Variants in CCBE1 observed in about 807,000 individuals in gnomAD.
CCBE1 encodes the protein collagen and calcium-binding EGF domain-containing protein 1.
CCBE1 carries 37 observed loss-of-function variants against 50.0 expected under a neutral mutation model. The observed-to-expected ratio is 0.74, with a 90% CI of 0.57 to 0.97. CCBE1 has a LOEUF of 0.97. Among genes scored for constraint, CCBE1 ranks in the 50% least tolerant of loss-of-function variants. CCBE1 has a pLI of 0.00. For missense variants in CCBE1, 538 were observed against 523.8 expected, an observed-to-expected ratio of 1.03 and a Z score of -0.26; for synonymous variants, 234 against 203.7, an observed-to-expected ratio of 1.15 and a Z score of -1.27.
At position 59,559,347 on chromosome 18, in the gene CCBE1, C is replaced by A. The variant is rs541526540; in HGVS notation, c.213-79109G>T. 3.9e-5 allele frequency among the ~76,000 whole-genome samples: 6 copies of A among 152,294 alleles called. No homozygotes were observed. The South Asian group carries it at 1.2e-3, about 32-fold the overall frequency. On this transcript the variant is annotated intron_variant, in intron 2 of 10. Transcript: ENST00000439986. ...CTCTGTTGCAGGCTTACCCAGTGAT[C>A]TGTCAGAAAATAGAGCATAAGCAGC...
intron 2 of CCBE1, among the ~76,000 whole-genome samples, chr18:59,528,312 C>T (rs1352302451): frequency 1.3e-5 from 2 of 152,178 alleles, no homozygotes; most frequent in African/African-American, 4.8e-5. Context: ...TTTTCAGCTC[C>T]ATCAGATCAT....
At chr18:59,623,662 G>C (rs2053741296) in intron 2 of CCBE1, among the ~76,000 whole-genome samples, 1 of 152,178 alleles carries the variant, frequency 6.6e-6, no homozygotes, top group Non-Finnish European at 1.5e-5. Context: ...CCTTGCTACA[G>C]ATCAGTACAA....
chr18:59,661,082 A>G (rs1263188267), intron 2 of CCBE1, among the ~76,000 whole-genome samples: 1 of 152,144 alleles, frequency 6.6e-6, no homozygotes, highest in Admixed American at 6.5e-5. Flanking sequence ...TAGTCCAACA[A>G]TATAGAGCTA....
chr18:59,674,319 C>T (rs1167366910), intron 2 of CCBE1, among the ~76,000 whole-genome samples: 1 of 152,148 alleles, frequency 6.6e-6, no homozygotes, highest in African/African-American at 2.4e-5. Context: ...AGTTCACGTC[C>T]TTTGTGGGGA....
intron 3 of CCBE1, among the ~76,000 whole-genome samples, chr18:59,470,392 A>T (rs930114576): frequency 2.0e-5 from 3 of 152,150 alleles, no homozygotes; most frequent in Non-Finnish European, 4.4e-5. Flanking sequence ...GGGAGCTACA[A>T]TTCAAGATGA....
chr18:59,444,284 G>A (rs1434530310), intron 7 of CCBE1, among the ~76,000 whole-genome samples: 1 of 152,000 alleles, frequency 6.6e-6, no homozygotes, highest in South Asian at 2.1e-4. Flanking sequence ...ATATTCCCAG[G>A]AGTGGCATTT....
At chr18:59,620,068 G>T (rs899580093) in intron 2 of CCBE1, among the ~76,000 whole-genome samples, 1 of 152,178 alleles carries the variant, frequency 6.6e-6, no homozygotes, top group South Asian at 2.1e-4. Context: ...AATAGGAAAG[G>T]AAAGAGTTGG....
intron 2 of CCBE1, among the ~76,000 whole-genome samples, chr18:59,575,028 A>T (rs1439767237): frequency 6.6e-6 from 1 of 152,204 alleles, no homozygotes. Context: ...GGAAAACACC[A>T]TGTGAGGATA....
rs11659589 is a variant in CCBE1 at position 59,454,927 on chromosome 18, A to T, written c.578T>A (p.Val193Glu). The T allele has an allele frequency of 6.2e-6, 10 of 1,614,142 alleles. No individual in the cohort carries two copies. The highest frequency in any genetic ancestry group is 8.5e-6 in the Non-Finnish European group (10 of 1,180,014). The stretch of plus-strand genomic sequence containing the variant: ...TGTGGCACAGCAAGTTCCGGCTTTC[A>T]CCATGTTCTCAGACTTCTCATGGCC... ...DTGHEKSENM[V>E]KAGTCCATCK... The change falls in exon 6 of 11, where the codon GTG (valine) becomes GAG (glutamate). Residue 193 changes from valine to glutamate, a missense_variant. Coordinates refer to ENST00000439986, the MANE Select transcript of CCBE1 (RefSeq NM_133459.4).
At position 59,484,702 on chromosome 18, in the gene CCBE1, C is replaced by T. The variant is rs625314; in HGVS notation, c.213-4464G>A. On this transcript the variant is annotated intron_variant, in intron 2 of 10. Coordinates refer to ENST00000439986, the MANE Select transcript of CCBE1 (RefSeq NM_133459.4). ...TGCTTAGCTAAGAATTTCCCCTTTG[C>T]GTTTTTTAATTGCATAACTGACCCC... Among the ~76,000 whole-genome samples, 144 of 152,368 alleles carry T rather than the reference C, an allele frequency of 9.5e-4. 1 individual carries two copies. Among genetic ancestry groups the T allele is most frequent in the Non-Finnish European group, 1.7e-3 (116 of 68,046 alleles).
At chr18:59,606,994 C>T (rs188295659) in intron 2 of CCBE1, among the ~76,000 whole-genome samples, 1,896 of 150,474 alleles carry the variant, frequency 0.013, 12 homozygotes, top group Non-Finnish European at 0.02. Flanking sequence ...CCCCAGTGAC[C>T]GGTGCAGGGC....
At chr18:59,605,970 C>T (rs11665249) in intron 2 of CCBE1, among the ~76,000 whole-genome samples, 52,573 of 151,922 alleles carry the variant, frequency 0.35, 9,582 homozygotes, top group East Asian at 0.61. Context: ...TCGCGATGCT[C>T]GAATGTCCGA....
At chr18:59,488,774 G>A (rs1912947675) in intron 2 of CCBE1, among the ~76,000 whole-genome samples, 3 of 152,166 alleles carry the variant, frequency 2.0e-5, no homozygotes, top group African/African-American at 7.2e-5. Context: ...CTTGGGGTGA[G>A]GGTTACATGA....
intron 2 of CCBE1, among the ~76,000 whole-genome samples, chr18:59,505,153 C>G (rs1232219230): frequency 1.3e-5 from 2 of 152,090 alleles, no homozygotes; most frequent in East Asian, 3.9e-4. Context: ...TTGAAAGCTC[C>G]CCAGTGGGGT....
chr18:59,652,625 C>CG (rs1014230602), intron 2 of CCBE1, among the ~76,000 whole-genome samples: 2 of 152,174 alleles, frequency 1.3e-5, no homozygotes, highest in African/African-American at 4.8e-5. Flanking sequence ...CTCGGAGTCC[C>CG]GCTCAGACTC....
chr18:59,544,443 G>A (rs1386636959), intron 2 of CCBE1, among the ~76,000 whole-genome samples: 1 of 152,214 alleles, frequency 6.6e-6, no homozygotes, highest in African/African-American at 2.4e-5. Context: ...AAAAGGACAT[G>A]ATTTTATACC....
chr18:59,487,851 G>C (rs1912897519), intron 2 of CCBE1, among the ~76,000 whole-genome samples: 2 of 152,214 alleles, frequency 1.3e-5, no homozygotes, highest in Admixed American at 6.5e-5. Flanking sequence ...TGGATATGTA[G>C]TCAAGAGAAT....
intron 2 of CCBE1, among the ~76,000 whole-genome samples, chr18:59,515,197 T>C (rs891820740): frequency 3.9e-5 from 6 of 152,222 alleles, no homozygotes; most frequent in East Asian, 1.9e-4. Context: ...CTACACGTTC[T>C]TTGCGCTGAG....
At chr18:59,678,902 T>C (rs1048301509) in intron 2 of CCBE1, among the ~76,000 whole-genome samples, 1 of 152,092 alleles carries the variant, frequency 6.6e-6, no homozygotes, top group African/African-American at 2.4e-5. Flanking sequence ...AAAAAAATAG[T>C]CAAAGTAAAG....
Sources: allele counts gnomAD v4.1 joint callset (sites outside exome capture counted in the v4.1 genomes callset), GRCh38; gene constraint gnomAD v4.1.1; transcripts MANE v1.5; gene names NCBI Gene and HGNC (gene_info 2026-07-23, HGNC 2026-07-21).